GPR158: variants seen among roughly 807,000 people sequenced by gnomAD.
GPR158 encodes metabotropic glycine receptor.
In GPR158, 30 loss-of-function variants were observed where a neutral mutation model predicts 78.2. The ratio of observed to expected loss-of-function variants is 0.38; its 90% CI spans 0.29 to 0.52. The LOEUF (loss-of-function observed/expected upper bound fraction) is 0.52. Among genes scored for constraint, GPR158 ranks in the 20% least tolerant of loss-of-function variants. GPR158 has a pLI of 0.83. For missense variants in GPR158, 1,463 were observed against 1,523.5 expected (o/e 0.96, Z 0.66); for synonymous variants, 581 against 591.1 (o/e 0.98, Z 0.25).
intron 4 of GPR158, among the ~76,000 whole-genome samples, chr10:25,460,972 A>G (rs999330678): frequency 3.9e-5 from 6 of 152,322 alleles, no homozygotes; most frequent in South Asian, 2.1e-4. Context: ...TTGTTTTGGA[A>G]TGCCATGAAC....
At chr10:25,245,151 T>C (rs1028693925) in intron 2 of GPR158, among the ~76,000 whole-genome samples, 1 of 152,228 alleles carries the variant, frequency 6.6e-6, no homozygotes, top group African/African-American at 2.4e-5. Context: ...GAAAGCATCT[T>C]TATCTATCAC....
intron 2 of GPR158, among the ~76,000 whole-genome samples, chr10:25,247,334 CTTTAAG>C (rs1190996237): frequency 8.5e-5 from 12 of 140,858 alleles, no homozygotes; most frequent in Middle Eastern, 3.6e-3. Context: ...TTTTATTATA[CTTTAAG>C]TTTTAGGGTA....
chr10:25,251,762 C>A (rs1005570610), intron 2 of GPR158, among the ~76,000 whole-genome samples: 1 of 151,228 alleles, frequency 6.6e-6, no homozygotes, highest in Admixed American at 6.6e-5. Context: ...TCCTTCATTT[C>A]AACTTTGGTG....
chr10:25,302,259 T>C (rs2065612), intron 2 of GPR158, among the ~76,000 whole-genome samples: 2 of 123,314 alleles, frequency 1.6e-5, no homozygotes, highest in Admixed American at 8.0e-5. Flanking sequence ...TTTTTTTTTG[T>C]ATTTTTAGTG....
At chr10:25,399,170 G>A (rs1834408454) in intron 3 of GPR158, among the ~76,000 whole-genome samples, 1 of 152,014 alleles carries the variant, frequency 6.6e-6, no homozygotes, top group East Asian at 1.9e-4. Flanking sequence ...AAGGGGGAAG[G>A]CCCTTATAAA....
intron 7 of GPR158, among the ~76,000 whole-genome samples, chr10:25,576,206 A>T (rs901998770): frequency 1.3e-5 from 2 of 151,186 alleles, no homozygotes; most frequent in African/African-American, 4.9e-5. Flanking sequence ...TTATCCCCTA[A>T]CCCCTTCTGA....
At chr10:25,527,813 A>C (rs1183377659) in intron 5 of GPR158, among the ~76,000 whole-genome samples, 1 of 152,112 alleles carries the variant, frequency 6.6e-6, no homozygotes, top group Non-Finnish European at 1.5e-5. Flanking sequence ...ATCAAGAAAA[A>C]AATGGAATAC....
intron 6 of GPR158, among the ~76,000 whole-genome samples, chr10:25,552,118 C>T (rs1443543132): frequency 3.7e-4 from 57 of 152,138 alleles, no homozygotes; most frequent in Admixed American, 3.7e-3. Context: ...AGATTCCCTT[C>T]TTATATATGC....
chr10:25,223,546 AG>A (rs1853330933), intron 2 of GPR158, among the ~76,000 whole-genome samples: 1 of 152,184 alleles, frequency 6.6e-6, no homozygotes, highest in Non-Finnish European at 1.5e-5. Context: ...CCTTTCCCAT[AG>A]GGATGTGAGT....
At chr10:25,410,485 G>A (rs1004931739) in intron 3 of GPR158, among the ~76,000 whole-genome samples, 8 of 152,034 alleles carry the variant, frequency 5.3e-5, no homozygotes, top group African/African-American at 1.4e-4. Flanking sequence ...GCGTGGTGGC[G>A]CGTGTCTGTA....
intron 2 of GPR158, among the ~76,000 whole-genome samples, chr10:25,349,890 CTTT>C (rs879595521): frequency 0.033 from 4,491 of 136,418 alleles, 482 homozygotes; most frequent in African/African-American, 0.13. Flanking sequence ...CACTGGTGAT[CTTT>C]TCTGGTGAGA....
chr10:25,401,735 G>A (rs1382695379), intron 3 of GPR158, among the ~76,000 whole-genome samples: 1 of 152,070 alleles, frequency 6.6e-6, no homozygotes, highest in Non-Finnish European at 1.5e-5. Flanking sequence ...AATTAGCTCA[G>A]TGTGGTAGGA....
chr10:25,394,917 T>G (rs1255655192), intron 2 of GPR158, among the ~76,000 whole-genome samples: 1 of 152,174 alleles, frequency 6.6e-6, no homozygotes, highest in Non-Finnish European at 1.5e-5. Context: ...AAGAGGGACA[T>G]CTTATAATTC....
At chr10:25,408,767 C>G (rs1486756999) in intron 3 of GPR158, among the ~76,000 whole-genome samples, 2 of 152,054 alleles carry the variant, frequency 1.3e-5, no homozygotes, top group East Asian at 3.9e-4. Flanking sequence ...TTGCTCTTGG[C>G]CTTATCTCTT....
intron 4 of GPR158, among the ~76,000 whole-genome samples, chr10:25,433,534 G>GTGTGTGTGTGTGTGTGTGTGT: frequency 2.5e-5 from 1 of 39,532 alleles, no homozygotes; most frequent in African/African-American, 8.9e-5. Context: ...AGTTAGGGGT[G>GTGTGTGTGTGTGTGTGTGTGT]TGTGTGTGTG....
chr10:25,580,473 A>G (rs1271751733), intron 7 of GPR158, among the ~76,000 whole-genome samples: 5 of 152,216 alleles, frequency 3.3e-5, no homozygotes, highest in Non-Finnish European at 7.3e-5. Flanking sequence ...GCTGAGTTAT[A>G]TAAGGAAATT....
chr10:25,428,677 A>G (rs1191301903), intron 4 of GPR158, among the ~76,000 whole-genome samples: 1 of 152,098 alleles, frequency 6.6e-6, no homozygotes, highest in Non-Finnish European at 1.5e-5. Flanking sequence ...GACCATTTCA[A>G]GAGTTACCAA....
At chr10:25,254,011 AG>A (rs909148586) in intron 2 of GPR158, among the ~76,000 whole-genome samples, 3 of 152,230 alleles carry the variant, frequency 2.0e-5, no homozygotes, top group Admixed American at 1.3e-4. Flanking sequence ...TTCAAATGGA[AG>A]GATATGTGTG....
intron 6 of GPR158, among the ~76,000 whole-genome samples, chr10:25,563,872 G>A (rs1008852437): frequency 6.6e-6 from 1 of 152,102 alleles, no homozygotes; most frequent in South Asian, 2.1e-4. Flanking sequence ...TTAATGTCTG[G>A]ATGTCTTCAG....
Sources: allele counts gnomAD v4.1 joint callset (sites outside exome capture counted in the v4.1 genomes callset), GRCh38; gene constraint gnomAD v4.1.1; transcripts MANE v1.5; gene names NCBI Gene and HGNC (gene_info 2026-07-23, HGNC 2026-07-21).